The following NFIB variants were observed in gnomAD, a reference collection of about 807,000 sequenced individuals.
NFIB encodes the protein nuclear factor I B.
Under a neutral mutation model 61.5 loss-of-function variants are expected in NFIB, and 11 were observed. The observed-to-expected ratio is 0.18, with a 90% CI of 0.11 to 0.30. NFIB has a LOEUF of 0.30. NFIB is among the 10% of genes least tolerant of loss of function. The pLI is 1.00. For synonymous variants in NFIB, 260 were observed against 216.5 expected (o/e 1.20, Z -1.76); for missense variants, 471 against 608.9 (o/e 0.77, Z 2.38).
intron 1 of NFIB, among the ~76,000 whole-genome samples, chr9:14,379,310 G>C (rs1320482469): frequency 6.6e-6 from 1 of 152,156 alleles, no homozygotes; most frequent in Non-Finnish European, 1.5e-5. Context: ...GAAAGACAGA[G>C]CTATTGAAAG....
chr9:14,217,091 A>T (rs985466184), intron 2 of NFIB, among the ~76,000 whole-genome samples: 2 of 152,358 alleles, frequency 1.3e-5, no homozygotes, highest in Non-Finnish European at 2.9e-5. Flanking sequence ...GTTATGCCCC[A>T]AAACCTTATT....
intron 2 of NFIB, among the ~76,000 whole-genome samples, chr9:14,182,266 T>C (rs2046864001): frequency 6.6e-6 from 1 of 152,158 alleles, no homozygotes; most frequent in Non-Finnish European, 1.5e-5. Context: ...AATTCCACTT[T>C]CTAAAATGAT....
intron 1 of NFIB, among the ~76,000 whole-genome samples, chr9:14,338,237 AC>A (rs1238666473): frequency 6.6e-6 from 1 of 152,106 alleles, no homozygotes; most frequent in Non-Finnish European, 1.5e-5. Flanking sequence ...TACTAAAAAT[AC>A]AAAAAATTAG....
At chr9:14,456,320 T>TA in the NFIB span, among the ~76,000 whole-genome samples, 1 of 152,042 alleles carries the variant, frequency 6.6e-6, no homozygotes, top group Non-Finnish European at 1.5e-5. Context: ...CAAAGGCCTA[T>TA]AGCATAAAAG....
the NFIB span, among the ~76,000 whole-genome samples, chr9:14,468,324 T>C: frequency 6.6e-6 from 1 of 152,170 alleles, no homozygotes; most frequent in Middle Eastern, 3.2e-3. Flanking sequence ...AAGGTACACC[T>C]CTTTGCCAGT....
In NFIB at chr9:14,085,255, T is replaced by A. The variant is rs137911596; in HGVS notation, c.*3054A>T. ...ATTAAATGATATGCTGTGAGAACAA[T>A]TGACAGTTTATTTTATTAGGCCATG... On this transcript the variant is annotated 3_prime_UTR_variant, in exon 11 of 11. Transcript: ENST00000380953. The A allele has an allele frequency of 8.8e-6, 2 of 227,046 alleles. No homozygotes were observed. The highest frequency in any genetic ancestry group is 5.7e-5 in the Admixed American group (1 of 17,526). The allele number at this position is 227,046 out of a possible 1,614,324, so 14.1% of individuals were successfully genotyped here. A position where few individuals can be genotyped will look rare whatever the true frequency, so the allele number is the denominator to read the frequency against.
intron 10 of NFIB, among the ~76,000 whole-genome samples, chr9:14,109,009 C>T (rs2118970404): frequency 1.3e-5 from 2 of 151,990 alleles, no homozygotes; most frequent in East Asian, 3.9e-4. Context: ...CTTATTATGA[C>T]CTTAGACTCA....
the NFIB span, among the ~76,000 whole-genome samples, chr9:14,433,743 C>A: frequency 6.6e-6 from 1 of 152,174 alleles, no homozygotes; most frequent in Non-Finnish European, 1.5e-5. Context: ...ATAAAAAACC[C>A]CACACACAAC....
At chr9:14,245,133 G>C (rs1032788291) in intron 2 of NFIB, among the ~76,000 whole-genome samples, 1 of 152,016 alleles carries the variant, frequency 6.6e-6, no homozygotes, top group African/African-American at 2.4e-5. Context: ...ATCAACACTT[G>C]GGTCATGCCT....
Position 14,106,471 on chromosome 9 carries a change from T to C in NFIB, c.1467+6528A>G, listed in dbSNP as rs558487188. Among the ~76,000 whole-genome samples the C allele has an allele frequency of 2.0e-5, 3 of 152,182 alleles. No homozygotes were observed. In the South Asian group the frequency reaches 6.2e-4, roughly 32 times the overall value. On this transcript the variant is annotated intron_variant, in intron 10 of 10. Transcript: ENST00000380953. ...GAACAGTTTAAACAAATAAGAAAGATGTGAAGGTGAAGTTTTCACTGCATA... is the reference window on the plus strand; with the variant it reads ...GAACAGTTTAAACAAATAAGAAAGACGTGAAGGTGAAGTTTTCACTGCATA...
intron 2 of NFIB, among the ~76,000 whole-genome samples, chr9:14,292,858 C>T (rs111276848): frequency 2.5e-3 from 380 of 152,152 alleles, no homozygotes; most frequent in African/African-American, 8.8e-3. Context: ...TTTCAAAGTA[C>T]ATTAAGTAAA....
chr9:14,243,793 G>C (rs370127869), intron 2 of NFIB, among the ~76,000 whole-genome samples: 1 of 152,164 alleles, frequency 6.6e-6, no homozygotes, highest in Non-Finnish European at 1.5e-5. Context: ...ACCCTAAGCT[G>C]CATGACATCA....
At chr9:14,135,763 T>C (rs2040969624) in intron 6 of NFIB, among the ~76,000 whole-genome samples, 1 of 152,210 alleles carries the variant, frequency 6.6e-6, no homozygotes, top group African/African-American at 2.4e-5. Flanking sequence ...TCATCTTCAA[T>C]TAGATTTCTC....
At chr9:14,294,655 T>G (rs1040468592) in intron 2 of NFIB, among the ~76,000 whole-genome samples, 1 of 152,244 alleles carries the variant, frequency 6.6e-6, no homozygotes, top group African/African-American at 2.4e-5. Context: ...CTAATCAATG[T>G]ACTGATCCTG....
intron 10 of NFIB, among the ~76,000 whole-genome samples, chr9:14,097,095 T>C (rs891803738): frequency 2.0e-5 from 3 of 152,212 alleles, no homozygotes; most frequent in Non-Finnish European, 4.4e-5. Flanking sequence ...TTTTTAAGAA[T>C]GGTAATGTTT....
chr9:14,336,445 G>A (rs375084492), intron 1 of NFIB, among the ~76,000 whole-genome samples: 1 of 152,214 alleles, frequency 6.6e-6, no homozygotes, highest in African/African-American at 2.4e-5. Flanking sequence ...TCATGGGCCT[G>A]GGGAAACCCA....
intron 10 of NFIB, chr9:14,102,289 G>T (rs2035897017): frequency 1.4e-6 from 1 of 697,498 alleles, no homozygotes; most frequent in Non-Finnish European, 2.4e-6. Flanking sequence ...AGGAGGACAG[G>T]GAAAGAAGAA....
intron 2 of NFIB, among the ~76,000 whole-genome samples, chr9:14,197,856 C>T (rs972865536): frequency 3.2e-4 from 49 of 152,136 alleles, no homozygotes; most frequent in Middle Eastern, 3.4e-3. Context: ...AAAACAATGA[C>T]GAAAAGGTTC....
At chr9:14,327,046 A>AC (rs1165155922) in intron 1 of NFIB, among the ~76,000 whole-genome samples, 1 of 152,202 alleles carries the variant, frequency 6.6e-6, no homozygotes, top group Non-Finnish European at 1.5e-5. Context: ...TTCTGCAAAA[A>AC]ATTTCAGGAT....
Sources: gnomAD v4.1 joint callset for allele counts (sites outside exome capture counted in the v4.1 genomes callset) on GRCh38, gnomAD v4.1.1 for gene constraint, MANE v1.5 for transcripts, NCBI Gene and HGNC (gene_info 2026-07-23, HGNC 2026-07-21) for gene names.